The following ZFHX3 variants were observed in gnomAD, a reference collection of about 807,000 sequenced individuals.
ZFHX3 encodes zinc finger homeobox 3.
In ZFHX3, 42 loss-of-function variants were observed where a neutral mutation model predicts 279.1. The ratio of observed to expected loss-of-function variants is 0.15; its 90% confidence interval spans 0.12 to 0.19. The LOEUF (loss-of-function observed/expected upper bound fraction) is 0.19, where lower values mean the gene tolerates loss of function less well. Among genes scored for constraint, ZFHX3 ranks in the 10% least tolerant of loss-of-function variants. The pLI is 1.00. For missense variants in ZFHX3, 4,981 were observed against 4,754.0 expected, an observed-to-expected ratio of 1.05 and a Z score of -1.40; for synonymous variants, 2,293 against 1,957.8, an observed-to-expected ratio of 1.17 and a Z score of -4.52.
At chr16:73,861,717 G>A (rs539168591) in intron 1 of ZFHX3, among the ~76,000 whole-genome samples, 34 of 152,210 alleles carry the variant, frequency 2.2e-4, no homozygotes, top group Non-Finnish European at 3.7e-4. Flanking sequence ...ACTGCCAGCC[G>A]GGCACAGTGG....
chr16:73,238,711 A>G (rs780738749), intron 5 of ZFHX3, among the ~76,000 whole-genome samples: 13 of 152,022 alleles, frequency 8.6e-5, no homozygotes, highest in African/African-American at 1.2e-4. Flanking sequence ...CAGGCTGTTC[A>G]TGACCTGTGT....
intron 2 of ZFHX3, among the ~76,000 whole-genome samples, chr16:73,538,292 C>T (rs1174112545): frequency 1.3e-5 from 2 of 151,980 alleles, no homozygotes; most frequent in Non-Finnish European, 2.9e-5. Flanking sequence ...TCCTCTGCTA[C>T]ACAGAGTTTG....
At chr16:73,313,511 C>T (rs888765124) in intron 4 of ZFHX3, among the ~76,000 whole-genome samples, 1 of 152,132 alleles carries the variant, frequency 6.6e-6, no homozygotes, top group Non-Finnish European at 1.5e-5. Flanking sequence ...CTCTTATTGT[C>T]CCTATTTCAT....
At chr16:73,473,367 A>AAC (rs1181759207) in intron 2 of ZFHX3, among the ~76,000 whole-genome samples, 10 of 114,770 alleles carry the variant, frequency 8.7e-5, no homozygotes, top group Non-Finnish European at 1.3e-4. Flanking sequence ...ACAAAAAAAA[A>AAC]AAAAACAAAA....
chr16:72,971,018 T>TG (rs1280212921), intron 1 of ZFHX3, among the ~76,000 whole-genome samples: 4 of 152,230 alleles, frequency 2.6e-5, no homozygotes, highest in Non-Finnish European at 4.4e-5. Flanking sequence ...AGAGAACCAC[T>TG]GGTAGGTAGT....
chr16:73,776,499 C>G (rs942881998), intron 1 of ZFHX3, among the ~76,000 whole-genome samples: 5 of 152,098 alleles, frequency 3.3e-5, no homozygotes, highest in Non-Finnish European at 5.9e-5. Flanking sequence ...CTATCGACGA[C>G]AGGGAGTAGC....
chr16:73,164,058 G>T (rs2144859040), intron 5 of ZFHX3, among the ~76,000 whole-genome samples: 1 of 152,266 alleles, frequency 6.6e-6, no homozygotes, highest in Non-Finnish European at 1.5e-5. Context: ...TCCTGCAACT[G>T]CCGCAAGGTT....
intron 3 of ZFHX3, among the ~76,000 whole-genome samples, chr16:73,440,562 G>A (rs1317772782): frequency 6.6e-6 from 1 of 152,182 alleles, no homozygotes; most frequent in Non-Finnish European, 1.5e-5. Context: ...CTGACAGATT[G>A]AGAGTTGGAT....
chr16:72,864,505 G>A (rs945480556), intron 4 of ZFHX3, among the ~76,000 whole-genome samples: 5 of 152,072 alleles, frequency 3.3e-5, no homozygotes, highest in Admixed American at 6.6e-5. Context: ...AAGTATTCCC[G>A]GGCCACCCAA....
At chr16:73,204,794 C>T (rs906951750) in intron 5 of ZFHX3, among the ~76,000 whole-genome samples, 1 of 152,194 alleles carries the variant, frequency 6.6e-6, no homozygotes, top group Non-Finnish European at 1.5e-5. Flanking sequence ...GCTAGTTGAA[C>T]CTTCACAATA....
At chr16:72,875,299 C>A (rs962332229) in intron 4 of ZFHX3, among the ~76,000 whole-genome samples, 4 of 152,250 alleles carry the variant, frequency 2.6e-5, no homozygotes, top group South Asian at 2.1e-4. Context: ...GGGGCAGAAA[C>A]TGGGCTCTGG....
At chr16:73,483,978 C>T (rs1393677505) in intron 2 of ZFHX3, among the ~76,000 whole-genome samples, 5 of 144,976 alleles carry the variant, frequency 3.4e-5, no homozygotes, top group African/African-American at 1.3e-4. Context: ...GTTAATACCT[C>T]TCCATTTAGT....
intron 2 of ZFHX3, among the ~76,000 whole-genome samples, chr16:73,458,461 C>T (rs8053449): frequency 0.012 from 1,855 of 151,946 alleles, 34 homozygotes; most frequent in African/African-American, 0.043. Flanking sequence ...CTGCAACCTC[C>T]GCCTCCCGGG....
At chr16:73,327,072 C>T (rs557434388) in intron 3 of ZFHX3, among the ~76,000 whole-genome samples, 15 of 152,324 alleles carry the variant, frequency 9.8e-5, no homozygotes, top group South Asian at 2.1e-4. Context: ...CAAAACAGAA[C>T]ATTTGGCAGA....
chr16:73,296,723 T>C (rs1244998607), intron 4 of ZFHX3, among the ~76,000 whole-genome samples: 1 of 152,148 alleles, frequency 6.6e-6, no homozygotes, highest in Non-Finnish European at 1.5e-5. Context: ...CATTCATTTG[T>C]CTAAGACAAA....
At chr16:72,962,603 C>A (rs1348868264) in intron 1 of ZFHX3, among the ~76,000 whole-genome samples, 1 of 152,192 alleles carries the variant, frequency 6.6e-6, no homozygotes, top group East Asian at 1.9e-4. Flanking sequence ...TGCAGCCTTG[C>A]CAAACAAGCG....
chr16:73,025,227 G>GACCGCCCTGC (rs938801557), intron 1 of ZFHX3, among the ~76,000 whole-genome samples: 1 of 152,074 alleles, frequency 6.6e-6, no homozygotes, highest in South Asian at 2.1e-4. Flanking sequence ...TCCCCACAAC[G>GACCGCCCTGC]ACCGCCCTGC....
chr16:73,050,737 T>C (rs1216285987), upstream of ZFHX3, among the ~76,000 whole-genome samples: 12 of 152,324 alleles, frequency 7.9e-5, no homozygotes, highest in East Asian at 2.1e-3. Context: ...GACATTCTCA[T>C]CGCTCCATCC....
chr16:73,195,532 C>T (rs1292697570), intron 5 of ZFHX3, among the ~76,000 whole-genome samples: 1 of 151,062 alleles, frequency 6.6e-6, no homozygotes, highest in Non-Finnish European at 1.5e-5. Flanking sequence ...GATTCTTCTG[C>T]CTCAGCCTCC....
Sources: gnomAD v4.1 joint callset for allele counts (sites outside exome capture counted in the v4.1 genomes callset) on GRCh38, gnomAD v4.1.1 for gene constraint, MANE v1.5 for transcripts, NCBI Gene and HGNC (gene_info 2026-07-23, HGNC 2026-07-21) for gene names.